FBXL17: variants seen among roughly 807,000 people sequenced by gnomAD.
FBXL17 encodes F-box/LRR-repeat protein 17.
In FBXL17, 22 loss-of-function variants were observed where a neutral mutation model predicts 66.2. The ratio of observed to expected loss-of-function variants is 0.33; its 90% confidence interval spans 0.24 to 0.47. The LOEUF (loss-of-function observed/expected upper bound fraction) is 0.47. Among genes scored for constraint, FBXL17 ranks in the 20% least tolerant of loss-of-function variants. The probability of loss-of-function intolerance (pLI) is 1.00; values close to 1 mark genes in which losing one functional copy is unlikely to be tolerated. For missense variants in FBXL17, 878 were observed against 948.2 expected, an observed-to-expected ratio of 0.93 and a Z score of 0.97; for synonymous variants, 474 against 400.5, an observed-to-expected ratio of 1.18 and a Z score of -2.19.
At chr5:107,874,656 T>G (rs1437551830) in intron 8 of FBXL17, among the ~76,000 whole-genome samples, 1 of 152,168 alleles carries the variant, frequency 6.6e-6, no homozygotes. Flanking sequence ...GTTTCATATT[T>G]AAATACCGGA....
At chr5:108,194,135 T>C (rs910047538) in intron 5 of FBXL17, among the ~76,000 whole-genome samples, 3 of 152,154 alleles carry the variant, frequency 2.0e-5, no homozygotes, top group African/African-American at 7.2e-5. Context: ...AGGCCCTCCA[T>C]TGTCCATCCC....
At chr5:108,349,477 T>C (rs575709506) in intron 3 of FBXL17, among the ~76,000 whole-genome samples, 2 of 152,162 alleles carry the variant, frequency 1.3e-5, no homozygotes, top group African/African-American at 2.4e-5. Context: ...ATCAGAAATA[T>C]ATGTGAGTTC....
At chr5:108,271,688 T>C (rs766085903) in intron 4 of FBXL17, among the ~76,000 whole-genome samples, 1 of 152,198 alleles carries the variant, frequency 6.6e-6, no homozygotes, top group African/African-American at 2.4e-5. Flanking sequence ...AAGATATAAA[T>C]GCAAGATTTC....
chr5:108,235,997 G>C (rs373254987), intron 4 of FBXL17, among the ~76,000 whole-genome samples: 18 of 150,830 alleles, frequency 1.2e-4, no homozygotes, highest in African/African-American at 4.2e-4. Context: ...GCTAAGGAGA[G>C]AATTTCCAAA....
At chr5:108,232,562 G>A (rs2966797) in intron 4 of FBXL17, among the ~76,000 whole-genome samples, 67,467 of 150,316 alleles carry the variant, frequency 0.45, 15,479 homozygotes, top group Non-Finnish European at 0.5. Flanking sequence ...TCTAATCAGC[G>A]GCCAGTGAAT....
chr5:108,108,871 C>T (rs1749919190), intron 6 of FBXL17, among the ~76,000 whole-genome samples: 1 of 149,780 alleles, frequency 6.7e-6, no homozygotes, highest in South Asian at 2.1e-4. Flanking sequence ...GCAACCTCCG[C>T]CTCCCGGGTT....
intron 4 of FBXL17, chr5:108,298,946 TCA>T: frequency 9.5e-6 from 9 of 951,930 alleles, no homozygotes; most frequent in African/African-American, 1.8e-5. Flanking sequence ...TTATTTACTT[TCA>T]GTTTCATATA....
At chr5:108,116,626 G>A (rs1750266024) in intron 6 of FBXL17, among the ~76,000 whole-genome samples, 1 of 151,710 alleles carries the variant, frequency 6.6e-6, no homozygotes, top group Admixed American at 6.6e-5. Context: ...CCGGCCTGGC[G>A]ACAGAACAAG....
At chr5:107,922,076 T>C (rs1364218813) in intron 7 of FBXL17, among the ~76,000 whole-genome samples, 3 of 152,140 alleles carry the variant, frequency 2.0e-5, no homozygotes, top group Non-Finnish European at 2.9e-5. Context: ...CTTTTTCCCT[T>C]AGCGTATGGA....
At chr5:107,960,056 T>C (rs1751831162) in intron 7 of FBXL17, among the ~76,000 whole-genome samples, 1 of 152,166 alleles carries the variant, frequency 6.6e-6, no homozygotes, top group African/African-American at 2.4e-5. Context: ...ACAGGAATCA[T>C]AGGGACAGAA....
intron 4 of FBXL17, among the ~76,000 whole-genome samples, chr5:108,284,074 A>G (rs1757805000): frequency 6.6e-6 from 1 of 151,786 alleles, no homozygotes; most frequent in South Asian, 2.1e-4. Flanking sequence ...AGGGAACATT[A>G]AACACTGTAG....
In FBXL17 at chr5:108,025,160, C is replaced by A. The variant is rs965067750; in HGVS notation, c.1746-4159G>T. 4.6e-5 allele frequency among the ~76,000 whole-genome samples: 7 copies of A among 151,978 alleles called. No individual in the cohort carries two copies. In the East Asian group the frequency reaches 1.2e-3, roughly 25 times the overall value. On this transcript the variant is annotated intron_variant, in intron 6 of 8. Coordinates refer to ENST00000542267, the MANE Select transcript of FBXL17 (RefSeq NM_001163315.3). ...CTTGCAATAGGAGTGTCCTAGGAGACCTTGTTACTGTTTGTGATGTGCTTC... is the reference window on the plus strand; with the variant it reads ...CTTGCAATAGGAGTGTCCTAGGAGAACTTGTTACTGTTTGTGATGTGCTTC...
chr5:108,324,316 C>A (rs1478318996), intron 4 of FBXL17, among the ~76,000 whole-genome samples: 1 of 151,882 alleles, frequency 6.6e-6, no homozygotes, highest in Non-Finnish European at 1.5e-5. Flanking sequence ...AAGAAAAGCA[C>A]ATGAAAACAT....
chr5:108,056,939 A>G (rs952834676), intron 6 of FBXL17, among the ~76,000 whole-genome samples: 1 of 152,224 alleles, frequency 6.6e-6, no homozygotes, highest in Non-Finnish European at 1.5e-5. Context: ...GACAGTTGCA[A>G]TAGACAGAAT....
At chr5:108,104,312 C>T (rs1201703445) in intron 6 of FBXL17, among the ~76,000 whole-genome samples, 1 of 152,218 alleles carries the variant, frequency 6.6e-6, no homozygotes, top group Non-Finnish European at 1.5e-5. Flanking sequence ...GCTGGGATTA[C>T]AGGCATGAGC....
intron 6 of FBXL17, among the ~76,000 whole-genome samples, chr5:108,051,404 T>C (rs966768610): frequency 7.9e-5 from 12 of 152,316 alleles, no homozygotes; most frequent in Non-Finnish European, 1.3e-4. Flanking sequence ...TCAAGGTGGC[T>C]TCATCCCTGG....
chr5:108,050,906 T>A (rs1382428398), intron 6 of FBXL17, among the ~76,000 whole-genome samples: 1 of 150,072 alleles, frequency 6.7e-6, no homozygotes, highest in Non-Finnish European at 1.5e-5. Flanking sequence ...TCAGTTGATA[T>A]CACCACTGAT....
chr5:107,942,469 A>C (rs912799726), intron 7 of FBXL17, among the ~76,000 whole-genome samples: 7 of 152,190 alleles, frequency 4.6e-5, no homozygotes, highest in African/African-American at 1.7e-4. Context: ...TGACACACCT[A>C]TCTCTTCCTC....
At chr5:108,077,083 G>T (rs184632063) in intron 6 of FBXL17, among the ~76,000 whole-genome samples, 143 of 152,206 alleles carry the variant, frequency 9.4e-4, no homozygotes, top group Middle Eastern at 3.4e-3. Context: ...AAAAAAAGAG[G>T]AATTCACCCA....
Sources: gnomAD v4.1 joint callset for allele counts (sites outside exome capture counted in the v4.1 genomes callset) on GRCh38, gnomAD v4.1.1 for gene constraint, MANE v1.5 for transcripts, NCBI Gene and HGNC (gene_info 2026-07-23, HGNC 2026-07-21) for gene names.